Variants in KIF13B observed in about 807,000 individuals in gnomAD.
The protein encoded by KIF13B is kinesin family member 13B.
Under a neutral mutation model 222.0 loss-of-function variants are expected in KIF13B, and 127 were observed. The ratio of observed to expected loss-of-function variants is 0.57; its 90% CI spans 0.50 to 0.66. KIF13B has a LOEUF of 0.66. Ranked by LOEUF, KIF13B falls within the 30% of genes least tolerant of loss-of-function variation. KIF13B has a pLI of 0.00. For missense variants in KIF13B, 2,173 were observed against 2,379.0 expected (o/e 0.91, Z 1.80); for synonymous variants, 976 against 919.0 (o/e 1.06, Z -1.12).
chr8:29,213,049 A>T (rs950920855), intron 2 of KIF13B, among the ~76,000 whole-genome samples: 2 of 152,140 alleles, frequency 1.3e-5, no homozygotes, highest in African/African-American at 2.4e-5. Context: ...AGTACTCTGC[A>T]CTAAGAGTAA....
At chr8:29,243,133 G>C (rs1815855174) in intron 2 of KIF13B, among the ~76,000 whole-genome samples, 1 of 152,084 alleles carries the variant, frequency 6.6e-6, no homozygotes, top group South Asian at 2.1e-4. Context: ...GATCACTTGA[G>C]GTCAGGAGTT....
chr8:29,080,471 G>A (rs989543479), intron 37 of KIF13B, among the ~76,000 whole-genome samples: 3 of 152,148 alleles, frequency 2.0e-5, no homozygotes, highest in Admixed American at 6.5e-5. Flanking sequence ...CGGGGAGAAC[G>A]TGTCCAGCCC....
At chr8:29,252,589 T>G (rs950864730) in intron 1 of KIF13B, among the ~76,000 whole-genome samples, 26 of 152,236 alleles carry the variant, frequency 1.7e-4, no homozygotes, top group African/African-American at 6.3e-4. Flanking sequence ...AAGCTATTTG[T>G]AAGATTTACT....
At chr8:29,224,422 G>A (rs748713317) in intron 2 of KIF13B, among the ~76,000 whole-genome samples, 1 of 152,146 alleles carries the variant, frequency 6.6e-6, no homozygotes, top group East Asian at 1.9e-4. Flanking sequence ...AACTAACAAG[G>A]TCTAGCATTG....
At chr8:29,228,182 TGGGCC>T (rs539008426) in intron 2 of KIF13B, among the ~76,000 whole-genome samples, 191 of 151,654 alleles carry the variant, frequency 1.3e-3, no homozygotes, top group African/African-American at 4.6e-3. Flanking sequence ...ACTAAAAATA[TGGGCC>T]GGGCTCAGTG....
At chr8:29,257,851 A>C (rs184011890) in intron 1 of KIF13B, among the ~76,000 whole-genome samples, 1 of 152,300 alleles carries the variant, frequency 6.6e-6, no homozygotes, top group East Asian at 1.9e-4. Flanking sequence ...ACCAACCAAC[A>C]AACAAAAAAC....
intron 2 of KIF13B, among the ~76,000 whole-genome samples, chr8:29,239,716 G>A (rs1368019841): frequency 2.6e-5 from 4 of 152,214 alleles, no homozygotes; most frequent in Non-Finnish European, 1.5e-5. Flanking sequence ...AAGTTGGAGT[G>A]CGGTGGCACG....
intron 2 of KIF13B, among the ~76,000 whole-genome samples, chr8:29,212,296 C>A (rs1814264253): frequency 6.6e-6 from 1 of 152,102 alleles, no homozygotes; most frequent in African/African-American, 2.4e-5. Context: ...AGTGTATATA[C>A]CACTTTACAT....
intron 32 of KIF13B, 30 bp from the exon 33 acceptor site, chr8:29,110,100 A>C: frequency 6.5e-7 from 1 of 1,546,280 alleles, no homozygotes; most frequent in Non-Finnish European, 8.8e-7. Context: ...ACATTATAAA[A>C]GCTTCTTGAT....
chr8:29,226,699 G>T (rs937852690), intron 2 of KIF13B, among the ~76,000 whole-genome samples: 2 of 152,102 alleles, frequency 1.3e-5, no homozygotes, highest in Non-Finnish European at 2.9e-5. Flanking sequence ...TTACACCCGC[G>T]TGGTCTCTGA....
chr8:29,109,911 G>T lies in KIF13B; in HGVS notation c.4083+7C>A. The T allele has an allele frequency of 6.2e-7, 1 of 1,612,812 alleles. No individual in the cohort carries two copies. The highest frequency in any genetic ancestry group is 8.5e-7 in the Non-Finnish European group (1 of 1,179,524). On this transcript the variant is annotated splice_region_variant and intron_variant, in intron 33 of 39. Transcript: ENST00000524189. ...TGCTGCCCGCCCTATCCATGCGGTT[G>T]GCTAACCTGGCGCAGACGATCTAAA...
intron 5 of KIF13B, 28 bp from the exon 6 acceptor site, chr8:29,186,500 T>G: frequency 6.3e-7 from 1 of 1,579,026 alleles, no homozygotes; most frequent in Non-Finnish European, 8.6e-7. Context: ...AGAGTTACTA[T>G]TGTCTCTTTG....
chr8:29,159,415 G>T (rs1350669102), intron 13 of KIF13B, among the ~76,000 whole-genome samples: 1 of 152,148 alleles, frequency 6.6e-6, no homozygotes, highest in Non-Finnish European at 1.5e-5. Flanking sequence ...CTCCCAAAGT[G>T]CTGGGATTAC....
chr8:29,071,099 C>T lies in KIF13B; in HGVS notation c.5219-333G>A, dbSNP rs1367570890. Among the ~76,000 whole-genome samples the T allele has an allele frequency of 2.6e-5, 4 of 152,190 alleles. No individual in the cohort carries two copies. Among genetic ancestry groups the T allele is most frequent in the Non-Finnish European group, 5.9e-5 (4 of 68,030 alleles). On this transcript the variant is annotated intron_variant, in intron 39 of 39. Coordinates refer to ENST00000524189, the MANE Select transcript of KIF13B (RefSeq NM_015254.4). The surrounding 1 kb of genome is among the most constrained non-coding windows in gnomAD (Gnocchi z 4.9). ...TGCAGGCCAGCCACTAAGGCACAAC[C>T]GGCCCGCCTCGTGCGGGAACAGACC... is the stretch of plus-strand genomic sequence containing the variant.
Position 29,072,206 on chromosome 8 carries a change from G to A in KIF13B, c.4632C>T (p.Val1544=), listed in dbSNP as rs1284964853. ...CCTCCGGAGCCGGGGTGACCGCTGTGACAGCTATGACAGGCGGTGGGGAAG... is the reference window on the plus strand; with the variant it reads ...CCTCCGGAGCCGGGGTGACCGCTGTAACAGCTATGACAGGCGGTGGGGAAG... ...KVPSPPPVIA[V]TAVTPAPEAQ... The change falls in exon 39 of 40, where the codon GTC becomes GTT. Residue 1544 remains valine, a synonymous_variant. Transcript: ENST00000524189. 3 of 1,458,944 alleles carry A rather than the reference G, an allele frequency of 2.1e-6. No homozygotes were observed. The highest frequency in any genetic ancestry group is 2.7e-6 in the Non-Finnish European group (3 of 1,108,280). The allele number at this position is 1,458,944 out of a possible 1,614,324, so 90.4% of individuals were successfully genotyped here.
chr8:29,134,727 C>G (rs1052266965), intron 21 of KIF13B, among the ~76,000 whole-genome samples: 3 of 152,134 alleles, frequency 2.0e-5, no homozygotes, highest in Non-Finnish European at 2.9e-5. Context: ...GAAAATGTTA[C>G]ACAATACTAT....
intron 14 of KIF13B, 37 bp downstream of exon 14, chr8:29,155,689 A>T: frequency 6.4e-7 from 1 of 1,572,498 alleles, no homozygotes; most frequent in South Asian, 1.2e-5. Flanking sequence ...TCCTCTGAAA[A>T]ACTCTTGTGA....
Position 29,108,210 on chromosome 8 carries a change from G to T in KIF13B, c.4162-18C>A. 6.2e-7 allele frequency: 1 copy of T among 1,609,142 alleles called. No homozygotes were observed. Among genetic ancestry groups the T allele is most frequent in the Non-Finnish European group, 8.5e-7 (1 of 1,177,530 alleles). The stretch of plus-strand genomic sequence containing the variant: ...CCAGACAACTGAAGAAGAAAGAAAG[G>T]GGGGTTAGTTATTTATGCATCAGAG... On this transcript the variant is annotated intron_variant, in intron 34 of 39. Coordinates refer to ENST00000524189, the MANE Select transcript of KIF13B (RefSeq NM_015254.4).
At chr8:29,109,092 A>T (rs1277601389) in intron 34 of KIF13B, among the ~76,000 whole-genome samples, 1 of 152,226 alleles carries the variant, frequency 6.6e-6, no homozygotes, top group South Asian at 2.1e-4. Context: ...ACTTAAAAAT[A>T]ATCTAAGCCC....
Sources: gnomAD v4.1 joint callset for allele counts (sites outside exome capture counted in the v4.1 genomes callset) on GRCh38, gnomAD v4.1.1 for gene constraint, Gnocchi (gnomAD v3.1) non-coding constraint, MANE v1.5 for transcripts, NCBI Gene and HGNC (gene_info 2026-07-23, HGNC 2026-07-21) for gene names.